Variants in DNAH14 observed in about 807,000 individuals in gnomAD.
The protein encoded by DNAH14 is dynein axonemal heavy chain 14, also known as axonemal beta dynein heavy chain 14.
DNAH14 carries 478 observed loss-of-function variants against 520.9 expected under a neutral mutation model. The ratio of observed to expected loss-of-function variants is 0.92; its 90% confidence interval spans 0.85 to 0.99. The LOEUF (loss-of-function observed/expected upper bound fraction) is 0.99. Ranked by LOEUF, DNAH14 falls within the 50% of genes least tolerant of loss-of-function variation. The probability of loss-of-function intolerance (pLI) is 0.00; values close to 1 mark genes in which losing one functional copy is unlikely to be tolerated. For missense variants in DNAH14, 4,831 were observed against 5,234.5 expected (o/e 0.92, Z 2.38); for synonymous variants, 1,581 against 1,757.2 (o/e 0.90, Z 2.51).
chr1:225,022,961 G>A (rs2065827998), intron 10 of DNAH14, among the ~76,000 whole-genome samples: 1 of 152,100 alleles, frequency 6.6e-6, no homozygotes, highest in South Asian at 2.1e-4. Flanking sequence ...GCAGCTGGAG[G>A]TCATTATTTT....
At chr1:225,352,653 T>C (rs1558496292) in intron 72 of DNAH14, among the ~76,000 whole-genome samples, 2 of 152,098 alleles carry the variant, frequency 1.3e-5, no homozygotes, top group African/African-American at 2.4e-5. Context: ...TCTGTAAAGT[T>C]TAAACTCCCA....
intron 21 of DNAH14, among the ~76,000 whole-genome samples, chr1:225,094,875 C>T (rs2074805911): frequency 6.8e-6 from 1 of 147,630 alleles, no homozygotes. Flanking sequence ...CAAACAGACA[C>T]TTTTCAAAAG....
intron 8 of DNAH14, among the ~76,000 whole-genome samples, chr1:224,993,618 TA>T (rs993633864): frequency 3.3e-5 from 5 of 151,756 alleles, no homozygotes; most frequent in Non-Finnish European, 5.9e-5. Flanking sequence ...ATTTTATCTT[TA>T]AAAAAAACCT....
intron 38 of DNAH14, among the ~76,000 whole-genome samples, chr1:225,194,383 G>A (rs1468690362): frequency 6.6e-6 from 1 of 152,006 alleles, no homozygotes; most frequent in Admixed American, 6.6e-5. Context: ...TCTGATCTTT[G>A]ACAAAGTTGA....
chr1:225,052,795 C>T (rs769717462), intron 17 of DNAH14, among the ~76,000 whole-genome samples: 7 of 152,062 alleles, frequency 4.6e-5, no homozygotes, highest in Non-Finnish European at 1.0e-4. Context: ...CAGTTGCGTA[C>T]GACAGAAAGC....
intron 66 of DNAH14, among the ~76,000 whole-genome samples, chr1:225,335,011 CTTATATG>C (rs1223560340): frequency 2.0e-5 from 3 of 148,726 alleles, no homozygotes; most frequent in African/African-American, 7.4e-5. Flanking sequence ...CGCATATATA[CTTATATG>C]TATATATACA....
intron 73 of DNAH14, 32 bp from the exon 74 acceptor site, chr1:225,358,463 AT>A (rs771876824): frequency 6.8e-7 from 1 of 1,473,044 alleles, no homozygotes; most frequent in South Asian, 1.4e-5. Flanking sequence ...GTGGCTTTTA[AT>A]TTTACCTTAT....
intron 26 of DNAH14, among the ~76,000 whole-genome samples, chr1:225,121,854 AAAT>A (rs1203617853): frequency 1.3e-4 from 19 of 151,826 alleles, no homozygotes; most frequent in South Asian, 2.1e-4. Context: ...TTAAATAAAT[AAAT>A]AAATAAATAG....
At chr1:225,023,956 A>G in intron 11 of DNAH14, 91 bp downstream of exon 11, 3 of 1,439,712 alleles carry the variant, frequency 2.1e-6, no homozygotes, top group East Asian at 2.5e-5. Flanking sequence ...AATTTAAGCT[A>G]GAGTTTGAAA....
chr1:225,144,460 C>T lies in DNAH14; in HGVS notation c.4572C>T (p.Ser1524=). The change falls in exon 29 of 86, where the codon AGC becomes AGT. Residue 1524 remains serine, a synonymous_variant. Transcript: ENST00000682510. ...KLCYVSQGNA[S]FTYGYEYLGC... The stretch of plus-strand genomic sequence containing the variant: ...GCTATGTGTCTCAAGGAAATGCCAG[C>T]TTTACTTATGGCTATGAGTACTTGG... 1 of 1,551,498 alleles carries T rather than the reference C, an allele frequency of 6.4e-7. No individual in the cohort carries two copies. Among genetic ancestry groups the T allele is most frequent in the Non-Finnish European group, 8.7e-7 (1 of 1,146,952 alleles).
chr1:225,128,158 A>T (rs2077967546), intron 27 of DNAH14, among the ~76,000 whole-genome samples: 1 of 151,928 alleles, frequency 6.6e-6, no homozygotes, highest in South Asian at 2.1e-4. Context: ...CCTTCATTTC[A>T]ACTTTGGTGA....
At chr1:224,999,866 TTAAA>T (rs1372246336) in intron 8 of DNAH14, among the ~76,000 whole-genome samples, 1 of 152,168 alleles carries the variant, frequency 6.6e-6, no homozygotes, top group Admixed American at 6.5e-5. Flanking sequence ...ATATATTGTC[TTAAA>T]TAGTTTTTAT....
intron 54 of DNAH14, among the ~76,000 whole-genome samples, chr1:225,285,855 T>C (rs552479116): frequency 2.6e-5 from 4 of 152,304 alleles, no homozygotes; most frequent in African/African-American, 9.6e-5. Context: ...AGACCCTGTC[T>C]CAAAAAAATA....
intron 1 of DNAH14, among the ~76,000 whole-genome samples, chr1:224,938,827 T>C (rs141140826): frequency 1.0e-3 from 158 of 152,322 alleles, no homozygotes; most frequent in African/African-American, 3.5e-3. Context: ...AAATGTGGTA[T>C]ATATACAAAA....
intron 46 of DNAH14, among the ~76,000 whole-genome samples, chr1:225,263,634 C>A (rs2149785446): frequency 6.6e-6 from 1 of 152,070 alleles, no homozygotes; most frequent in South Asian, 2.1e-4. Context: ...GGAATAGAAT[C>A]CTACTACACT....
At chr1:225,325,725 CT>C (rs1479406196) in intron 64 of DNAH14, among the ~76,000 whole-genome samples, 10 of 152,132 alleles carry the variant, frequency 6.6e-5, no homozygotes, top group African/African-American at 2.2e-4. Flanking sequence ...CCATTGATAT[CT>C]TTTGACCTAT....
intron 17 of DNAH14, among the ~76,000 whole-genome samples, chr1:225,057,772 A>G (rs1280985423): frequency 6.6e-6 from 1 of 152,174 alleles, no homozygotes. Context: ...CCTTTTCTAC[A>G]TCTATTGAGA....
At chr1:225,318,775 G>A (rs901567186) in intron 61 of DNAH14, 98 bp downstream of exon 61, 1 of 1,112,484 alleles carries the variant, frequency 9.0e-7, no homozygotes, top group African/African-American at 1.6e-5. Flanking sequence ...TATATACTAA[G>A]CCTATATTCC....
At chr1:225,037,196 G>T (rs1005671421) in intron 11 of DNAH14, among the ~76,000 whole-genome samples, 2 of 152,102 alleles carry the variant, frequency 1.3e-5, no homozygotes, top group African/African-American at 4.8e-5. Flanking sequence ...TTTGATTAGA[G>T]AATTTGGTCC....
Sources: allele counts gnomAD v4.1 joint callset (sites outside exome capture counted in the v4.1 genomes callset), GRCh38; gene constraint gnomAD v4.1.1; transcripts MANE v1.5; gene names NCBI Gene and HGNC (gene_info 2026-07-23, HGNC 2026-07-21).